RAPGEF5: variants seen among roughly 807,000 people sequenced by gnomAD.
RAPGEF5 encodes the protein M-Ras-regulated GEF.
RAPGEF5 carries 65 observed loss-of-function variants against 125.2 expected under a neutral mutation model. That is an observed-to-expected ratio of 0.52 (90% confidence interval 0.43 to 0.64). RAPGEF5 has a LOEUF of 0.64. RAPGEF5 is among the 30% of genes least tolerant of loss of function. RAPGEF5 has a pLI of 0.00. For synonymous variants in RAPGEF5, 391 were observed against 385.9 expected (o/e 1.01, Z -0.16); for missense variants, 958 against 1,048.1 (o/e 0.91, Z 1.19).
intron 7 of RAPGEF5, among the ~76,000 whole-genome samples, chr7:22,252,704 G>A (rs995769405): frequency 1.3e-5 from 2 of 152,002 alleles, no homozygotes; most frequent in Admixed American, 1.3e-4. Flanking sequence ...TTATCATTTC[G>A]ACTTAATAGC....
intron 1 of RAPGEF5, among the ~76,000 whole-genome samples, chr7:22,340,192 C>T (rs911761133): frequency 6.6e-6 from 1 of 152,126 alleles, no homozygotes; most frequent in Non-Finnish European, 1.5e-5. Context: ...AACAGGAGTG[C>T]TGTGCTGGGA....
chr7:22,198,895 C>T (rs138139480), intron 9 of RAPGEF5, among the ~76,000 whole-genome samples: 4 of 152,310 alleles, frequency 2.6e-5, no homozygotes, highest in Non-Finnish European at 5.9e-5. Flanking sequence ...AGACAGATGG[C>T]GAAGCTGAGA....
At chr7:22,290,796 A>C (rs1583553081) in intron 6 of RAPGEF5, among the ~76,000 whole-genome samples, 5 of 152,124 alleles carry the variant, frequency 3.3e-5, no homozygotes. Flanking sequence ...TGGTACATTA[A>C]AAACTAGTGA....
At position 22,157,846 on chromosome 7, in the gene RAPGEF5, T is replaced by A. The variant is rs1263614145; in HGVS notation, c.1557+9A>T. The stretch of plus-strand genomic sequence containing the variant: ...TCACCTAATTTTAGGTATAGAAGCA[T>A]CTGCTTACCTTTTTTTGTGGTGAAT... On this transcript the variant is annotated intron_variant, in intron 15 of 25. Coordinates refer to ENST00000665637, the MANE Select transcript of RAPGEF5 (RefSeq NM_012294.5). 6.2e-7 allele frequency: 1 copy of A among 1,610,660 alleles called. No homozygotes were observed. Among genetic ancestry groups the A allele is most frequent in the South Asian group, 1.1e-5 (1 of 90,952 alleles).
intron 7 of RAPGEF5, among the ~76,000 whole-genome samples, chr7:22,249,998 T>A (rs1464581349): frequency 1.3e-5 from 2 of 152,188 alleles, no homozygotes; most frequent in African/African-American, 4.8e-5. Context: ...ACAATTTTAT[T>A]TAGTCAAGGG....
At chr7:22,177,539 A>G (rs1027765481) in intron 11 of RAPGEF5, among the ~76,000 whole-genome samples, 2 of 152,282 alleles carry the variant, frequency 1.3e-5, no homozygotes, top group African/African-American at 4.8e-5. Flanking sequence ...CTAGTTAAAT[A>G]TACTCAAAAC....
At chr7:22,239,410 G>A (rs1330787767) in intron 7 of RAPGEF5, among the ~76,000 whole-genome samples, 1 of 152,142 alleles carries the variant, frequency 6.6e-6, no homozygotes, top group Non-Finnish European at 1.5e-5. Flanking sequence ...ATAGCACTCA[G>A]ACAGCCCAAT....
chr7:22,294,400 G>C (rs1783004551), intron 5 of RAPGEF5, among the ~76,000 whole-genome samples: 1 of 152,160 alleles, frequency 6.6e-6, no homozygotes, highest in African/African-American at 2.4e-5. Flanking sequence ...GGAGAGTGCT[G>C]AGTCCTGGTG....
intron 5 of RAPGEF5, among the ~76,000 whole-genome samples, chr7:22,295,707 T>TA (rs1215919101): frequency 6.6e-6 from 1 of 152,162 alleles, no homozygotes; most frequent in East Asian, 1.9e-4. Context: ...TTTGTTCACT[T>TA]ACGATGCCAA....
intron 23 of RAPGEF5, 22 bp from the exon 24 acceptor site, chr7:22,131,123 A>G: frequency 1.3e-6 from 2 of 1,523,200 alleles, no homozygotes; most frequent in East Asian, 2.5e-5. Flanking sequence ...AAACAAAAAG[A>G]TGTATGTATC....
intron 6 of RAPGEF5, among the ~76,000 whole-genome samples, chr7:22,284,582 C>T (rs1782753718): frequency 6.6e-6 from 1 of 152,148 alleles, no homozygotes; most frequent in East Asian, 1.9e-4. Flanking sequence ...GGACTGGAGC[C>T]AGCCTAAGGA....
chr7:22,128,553 C>A (rs550267120), intron 24 of RAPGEF5, among the ~76,000 whole-genome samples: 1 of 152,328 alleles, frequency 6.6e-6, no homozygotes, highest in South Asian at 2.1e-4. Flanking sequence ...CAGTCCTTTA[C>A]TAAGAAATAT....
At chr7:22,164,285 C>G (rs139168615) in intron 12 of RAPGEF5, among the ~76,000 whole-genome samples, 2 of 152,086 alleles carry the variant, frequency 1.3e-5, no homozygotes, top group Non-Finnish European at 2.9e-5. Context: ...GAGCCATGAT[C>G]GAGCCACTCT....
Position 22,120,134 on chromosome 7 carries a change from C to T in RAPGEF5, c.*2272G>A, listed in dbSNP as rs909441308. 1.3e-5 allele frequency: 2 copies of T among 152,190 alleles called. No individual in the cohort carries two copies. Among genetic ancestry groups the T allele is most frequent in the Admixed American group, 1.3e-4 (2 of 15,280 alleles). 9.4% of individuals were successfully genotyped at this position (152,190 alleles called of 1,614,324 possible). On this transcript the variant is annotated 3_prime_UTR_variant, in exon 26 of 26. Transcript: ENST00000665637. This position sits in a 1 kb window ranked among gnomAD's most constrained non-coding sequence, Gnocchi z 4.0. ...GATGGAAAAGCAAATCTTGACTGCACAAAATCCTCCCTTCCCTCTGCTACC... is the reference window on the plus strand; with the variant it reads ...GATGGAAAAGCAAATCTTGACTGCATAAAATCCTCCCTTCCCTCTGCTACC...
chr7:22,350,522 C>A (rs1784311662), intron 1 of RAPGEF5, among the ~76,000 whole-genome samples: 1 of 152,138 alleles, frequency 6.6e-6, no homozygotes, highest in African/African-American at 2.4e-5. Context: ...CATGGAAAAA[C>A]CTGATCCACT....
At chr7:22,169,563 A>G (rs1444140986) in intron 11 of RAPGEF5, among the ~76,000 whole-genome samples, 4 of 151,984 alleles carry the variant, frequency 2.6e-5, no homozygotes. Context: ...TTAGAAATTA[A>G]GCTGAATCTG....
intron 6 of RAPGEF5, among the ~76,000 whole-genome samples, chr7:22,276,451 T>C (rs1782557571): frequency 6.6e-6 from 1 of 152,230 alleles, no homozygotes; most frequent in Admixed American, 6.5e-5. Flanking sequence ...ACTGTGTAAC[T>C]ACATCAACAG....
chr7:22,221,934 T>C (rs759644731), intron 8 of RAPGEF5, among the ~76,000 whole-genome samples: 4 of 152,060 alleles, frequency 2.6e-5, no homozygotes, highest in Non-Finnish European at 4.4e-5. Context: ...TCTGAGAATA[T>C]GGTAGTGAAC....
At chr7:22,245,736 T>C (rs996217044) in intron 7 of RAPGEF5, among the ~76,000 whole-genome samples, 15 of 152,128 alleles carry the variant, frequency 9.9e-5, no homozygotes, top group African/African-American at 3.4e-4. Flanking sequence ...TTATTCAAGA[T>C]AGTACTGGAA....
Sources: allele counts gnomAD v4.1 joint callset (sites outside exome capture counted in the v4.1 genomes callset), GRCh38; gene constraint gnomAD v4.1.1; non-coding constraint Gnocchi (gnomAD v3.1); transcripts MANE v1.5; gene names NCBI Gene and HGNC (gene_info 2026-07-23, HGNC 2026-07-21).